Variants in ANGPT4 observed in about 807,000 individuals in gnomAD.
ANGPT4 encodes angiopoietin-4.
In ANGPT4, 50 loss-of-function variants were observed where a neutral mutation model predicts 53.0. That is an observed-to-expected ratio of 0.94 (90% confidence interval 0.75 to 1.20). The LOEUF (loss-of-function observed/expected upper bound fraction) is 1.20. ANGPT4 is among the 50% of genes most tolerant of loss of function. ANGPT4 has a pLI of 0.00. For synonymous variants in ANGPT4, 251 were observed against 259.7 expected, an observed-to-expected ratio of 0.97 and a Z score of 0.32; for missense variants, 648 against 637.1, an observed-to-expected ratio of 1.02 and a Z score of -0.18.
At chr20:880,518 G>T (rs1981359880) in intron 5 of ANGPT4, among the ~76,000 whole-genome samples, 1 of 152,020 alleles carries the variant, frequency 6.6e-6, no homozygotes, top group African/African-American at 2.4e-5. Flanking sequence ...AGCCCAGGAG[G>T]TCAAGGCTGC....
At chr20:900,569 A>G (rs1281474321) in intron 1 of ANGPT4, among the ~76,000 whole-genome samples, 5 of 152,202 alleles carry the variant, frequency 3.3e-5, no homozygotes, top group African/African-American at 9.7e-5. Context: ...ATGAGACCGA[A>G]GAGTTCCCTG....
intron 1 of ANGPT4, among the ~76,000 whole-genome samples, chr20:915,031 C>G (rs1417335592): frequency 6.6e-6 from 1 of 152,204 alleles, no homozygotes; most frequent in East Asian, 1.9e-4. Flanking sequence ...ACACCCCCTC[C>G]TAGCCCCGTT....
At chr20:889,212 T>G (rs1981740556) in intron 2 of ANGPT4, among the ~76,000 whole-genome samples, 1 of 144,354 alleles carries the variant, frequency 6.9e-6, no homozygotes, top group Non-Finnish European at 1.5e-5. Context: ...TCTCTTGCTC[T>G]CTCTTCCATG....
intron 1 of ANGPT4, among the ~76,000 whole-genome samples, chr20:894,229 C>T (rs1981958726): frequency 6.6e-6 from 1 of 152,070 alleles, no homozygotes; most frequent in Non-Finnish European, 1.5e-5. Context: ...AGTTGCAAGC[C>T]CCGTGTTTAA....
chr20:910,129 T>G (rs207477297), intron 1 of ANGPT4, among the ~76,000 whole-genome samples: 1 of 152,214 alleles, frequency 6.6e-6, no homozygotes, highest in African/African-American at 2.4e-5. Flanking sequence ...CGGCATCAGA[T>G]GGCTGAATCT....
chr20:907,281 G>A (rs1022861033), intron 1 of ANGPT4, among the ~76,000 whole-genome samples: 1 of 152,122 alleles, frequency 6.6e-6, no homozygotes, highest in Non-Finnish European at 1.5e-5. Flanking sequence ...GGGGTGGCAG[G>A]TCCAGTGTTC....
intron 1 of ANGPT4, among the ~76,000 whole-genome samples, chr20:901,234 C>A (rs928773152): frequency 2.7e-4 from 41 of 152,270 alleles, no homozygotes; most frequent in African/African-American, 9.6e-4. Flanking sequence ...AATGTCAGGC[C>A]TCTGAGCCCA....
rs1353390213 is a variant in ANGPT4 at position 870,207 on chromosome 20, G to T, written c.*2753C>A. The T allele has an allele frequency of 6.6e-6, 1 of 152,212 alleles. No individual in the cohort carries two copies. The highest frequency in any genetic ancestry group is 1.5e-5 in the Non-Finnish European group (1 of 68,056). 9.4% of individuals were successfully genotyped at this position (152,212 alleles called of 1,614,324 possible). On this transcript the variant is annotated 3_prime_UTR_variant, in exon 9 of 9. Transcript: ENST00000381922. ...AGTCCTGGCATGGAAGAGGAAGGAAGGTAAGAAAGAAGGATGAATATTTAA... is the reference window on the plus strand; with the variant it reads ...AGTCCTGGCATGGAAGAGGAAGGAATGTAAGAAAGAAGGATGAATATTTAA...
At chr20:889,861 C>A (rs1568838475) in intron 2 of ANGPT4, among the ~76,000 whole-genome samples, 1 of 152,196 alleles carries the variant, frequency 6.6e-6, no homozygotes, top group East Asian at 1.9e-4. Context: ...AAGTCCTTGG[C>A]CCCAGAGGCC....
chr20:876,608 T>C (rs1981181497), intron 7 of ANGPT4, among the ~76,000 whole-genome samples: 1 of 152,190 alleles, frequency 6.6e-6, no homozygotes, highest in Non-Finnish European at 1.5e-5. Context: ...TAGGTATGCC[T>C]AAAGCACCCA....
intron 1 of ANGPT4, among the ~76,000 whole-genome samples, chr20:912,151 G>A (rs1206319977): frequency 6.6e-6 from 1 of 152,154 alleles, no homozygotes; most frequent in African/African-American, 2.4e-5. Flanking sequence ...ATTCTGTGGG[G>A]CCATGAAGAG....
intron 2 of ANGPT4, among the ~76,000 whole-genome samples, chr20:889,811 T>C (rs1436614952): frequency 6.6e-6 from 1 of 152,216 alleles, no homozygotes; most frequent in Non-Finnish European, 1.5e-5. Context: ...ATTCACTAGT[T>C]CCTTCCCTGC....
chr20:871,384 G>C lies in ANGPT4; in HGVS notation c.*1576C>G, dbSNP rs548300798. The C allele has an allele frequency of 6.6e-6, 1 of 152,494 alleles. No individual in the cohort carries two copies. The highest frequency in any genetic ancestry group is 1.5e-5 in the Non-Finnish European group (1 of 68,252). 9.4% of individuals were successfully genotyped at this position (152,494 alleles called of 1,614,324 possible). ...AGGAGAAAACCTTCTGAGGACAGAG[G>C]TGTATCCTGGCGGTAGGGCAGGTGG... is the stretch of plus-strand genomic sequence containing the variant. On this transcript the variant is annotated 3_prime_UTR_variant, in exon 9 of 9. Coordinates refer to ENST00000381922, the MANE Select transcript of ANGPT4 (RefSeq NM_015985.4).
At chr20:898,350 G>C (rs1054979960) in intron 1 of ANGPT4, among the ~76,000 whole-genome samples, 1 of 152,116 alleles carries the variant, frequency 6.6e-6, no homozygotes, top group Non-Finnish European at 1.5e-5. Context: ...TCTTAAAAAG[G>C]TGGCTTGAGC....
intron 1 of ANGPT4, among the ~76,000 whole-genome samples, chr20:899,032 G>A (rs531628400): frequency 2.0e-5 from 3 of 152,284 alleles, no homozygotes; most frequent in Admixed American, 6.5e-5. Flanking sequence ...GACACTGCCT[G>A]ATTGCCTCAG....
chr20:898,086 T>C (rs1244783151), intron 1 of ANGPT4, among the ~76,000 whole-genome samples: 1 of 152,116 alleles, frequency 6.6e-6, no homozygotes, highest in Non-Finnish European at 1.5e-5. Context: ...CCAAATCTTT[T>C]TTTTTCTCTC....
intron 4 of ANGPT4, 51 bp downstream of exon 4, chr20:885,027 C>T: frequency 6.2e-7 from 1 of 1,607,976 alleles, no homozygotes; most frequent in Non-Finnish European, 8.5e-7. Flanking sequence ...GGTCTCCCCT[C>T]CCCTCTCCTG....
intron 4 of ANGPT4, among the ~76,000 whole-genome samples, chr20:883,238 C>T (rs112969757): frequency 0.012 from 1,761 of 152,358 alleles, 36 homozygotes; most frequent in African/African-American, 0.04. Flanking sequence ...GCCCTTCCTC[C>T]TACACATCTT....
intron 4 of ANGPT4, among the ~76,000 whole-genome samples, chr20:883,205 G>A (rs1981479706): frequency 6.6e-6 from 1 of 152,208 alleles, no homozygotes; most frequent in Non-Finnish European, 1.5e-5. Flanking sequence ...TTGAACTCCG[G>A]CCCATCTGAC....
Sources: gnomAD v4.1 joint callset for allele counts (sites outside exome capture counted in the v4.1 genomes callset) on GRCh38, gnomAD v4.1.1 for gene constraint, MANE v1.5 for transcripts, NCBI Gene and HGNC (gene_info 2026-07-23, HGNC 2026-07-21) for gene names.